The following KCTD8 variants were observed in gnomAD, a reference collection of about 807,000 sequenced individuals.
KCTD8 encodes the protein BTB/POZ domain-containing protein KCTD8.
KCTD8 carries 27 observed loss-of-function variants against 31.5 expected under a neutral mutation model. The observed-to-expected ratio is 0.86, with a 90% CI of 0.63 to 1.18. The LOEUF (loss-of-function observed/expected upper bound fraction) is 1.18. Among genes scored for constraint, KCTD8 ranks in the 50% most tolerant of loss-of-function variants. The probability of loss-of-function intolerance (pLI) is 0.00; values close to 1 mark genes in which losing one functional copy is unlikely to be tolerated. For synonymous variants in KCTD8, 290 were observed against 280.0 expected, an observed-to-expected ratio of 1.04 and a Z score of -0.36; for missense variants, 658 against 647.7, an observed-to-expected ratio of 1.02 and a Z score of -0.17.
chr4:44,338,860 C>T (rs556720964), intron 1 of KCTD8, among the ~76,000 whole-genome samples: 4 of 152,132 alleles, frequency 2.6e-5, no homozygotes, highest in Admixed American at 1.3e-4. Flanking sequence ...AAATAATCTG[C>T]GATTTTAATA....
rs200999276 is a variant in KCTD8, at chr4:44,349,071, G to GCCACCACCA, written c.961+98483_961+98491dup. Among the ~76,000 whole-genome samples, 109 of 136,782 alleles carry GCCACCACCA rather than the reference G, an allele frequency of 8.0e-4. 2 individuals are homozygous for GCCACCACCA. The highest frequency in any genetic ancestry group is 4.7e-3 in the Admixed American group (65 of 13,952). The allele number at this position is 136,782 out of a possible 152,430, so 89.7% of individuals were successfully genotyped here. On this transcript the variant is annotated intron_variant, in intron 1 of 1. Coordinates refer to ENST00000360029, the MANE Select transcript of KCTD8 (RefSeq NM_198353.3). ...TAGTAGCACCACCATCGCTGCCACC[G>GCCACCACCA]CCACCACCACCACCACCACCACCAC...
At chr4:44,278,867 A>G (rs774602742) in intron 1 of KCTD8, among the ~76,000 whole-genome samples, 15 of 152,002 alleles carry the variant, frequency 9.9e-5, no homozygotes, top group African/African-American at 3.1e-4. Flanking sequence ...AACCTTCTGC[A>G]TGCTTTCCCC....
chr4:44,371,814 T>A (rs967009264), intron 1 of KCTD8, among the ~76,000 whole-genome samples: 1 of 152,152 alleles, frequency 6.6e-6, no homozygotes, highest in Non-Finnish European at 1.5e-5. Context: ...TATATCTCAT[T>A]TGTTAGGTAT....
intron 1 of KCTD8, among the ~76,000 whole-genome samples, chr4:44,391,087 A>G (rs1481199560): frequency 6.6e-6 from 1 of 151,986 alleles, no homozygotes; most frequent in African/African-American, 2.4e-5. Context: ...ATGGAAAACC[A>G]AACATTGTAT....
rs1031535228 is a variant in KCTD8, at chr4:44,346,379, G to A, written c.961+101184C>T. 4.6e-5 allele frequency among the ~76,000 whole-genome samples: 7 copies of A among 151,956 alleles called. No individual in the cohort carries two copies. The East Asian group carries it at 1.4e-3, about 29-fold the overall frequency. ...TTATATCCTCACATTCTTATATTCT[G>A]GAGATATTTTAAATTCAACTCCCAT... On this transcript the variant is annotated intron_variant, in intron 1 of 1. Transcript: ENST00000360029.
intron 1 of KCTD8, among the ~76,000 whole-genome samples, chr4:44,311,222 T>C (rs1717941666): frequency 6.6e-6 from 1 of 152,092 alleles, no homozygotes; most frequent in African/African-American, 2.4e-5. Flanking sequence ...TTTATACCCA[T>C]AATTTAAATG....
chr4:44,336,506 C>T (rs1169307966), intron 1 of KCTD8, among the ~76,000 whole-genome samples: 2 of 151,992 alleles, frequency 1.3e-5, no homozygotes, highest in East Asian at 3.9e-4. Context: ...TAACTGAAGG[C>T]ACCTGTATCA....
Position 44,397,874 on chromosome 4 carries a change from T to C in KCTD8, c.961+49689A>G, listed in dbSNP as rs563999767. Reference sequence around the variant, plus strand: ...TAAAATTTATTACAATTATAATACCTAAAAAATTGATTTTTTTGTGGTTAC... The same window carrying C: ...TAAAATTTATTACAATTATAATACCCAAAAAATTGATTTTTTTGTGGTTAC... On this transcript the variant is annotated intron_variant, in intron 1 of 1. Coordinates refer to ENST00000360029, the MANE Select transcript of KCTD8 (RefSeq NM_198353.3). 2.0e-5 allele frequency among the ~76,000 whole-genome samples: 3 copies of C among 152,228 alleles called. No homozygotes were observed. The East Asian group carries it at 5.8e-4, about 29-fold the overall frequency.
intron 1 of KCTD8, among the ~76,000 whole-genome samples, chr4:44,182,550 G>T (rs1004553587): frequency 6.6e-6 from 1 of 152,060 alleles, no homozygotes; most frequent in Non-Finnish European, 1.5e-5. Context: ...GATTAAGGGC[G>T]GTGCAAGATG....
At chr4:44,278,515 C>T (rs935175347) in intron 1 of KCTD8, among the ~76,000 whole-genome samples, 2 of 151,906 alleles carry the variant, frequency 1.3e-5, no homozygotes, top group Non-Finnish European at 2.9e-5. Context: ...AAGGGAGCAG[C>T]ACATTTGTAG....
intron 1 of KCTD8, among the ~76,000 whole-genome samples, chr4:44,227,004 A>C: frequency 6.6e-6 from 1 of 152,042 alleles, no homozygotes; most frequent in African/African-American, 2.4e-5. Context: ...GTTCACTCTG[A>C]TGATAGTTTC....
Position 44,447,849 on chromosome 4 carries a change from G to A in KCTD8, c.675C>T (p.Ala225=), listed in dbSNP as rs1450959212. 16 of 1,584,364 alleles carry A rather than the reference G, an allele frequency of 1.0e-5. No individual in the cohort carries two copies. The highest frequency in any genetic ancestry group is 1.3e-5 in the Non-Finnish European group (15 of 1,163,420). The change falls in exon 1 of 2, where the codon GCC becomes GCT. Residue 225 remains alanine (A), a synonymous_variant. Transcript: ENST00000360029. The part of the protein sequence containing the change: ...GSYTTVRDNQ[A]DAKFRRVARI... ...GCGCCACACGCCGGAATTTGGCGTC[G>A]GCCTGGTTGTCGCGCACGGTGGTGT...
At chr4:44,264,255 T>C (rs982989402) in intron 1 of KCTD8, among the ~76,000 whole-genome samples, 1 of 152,234 alleles carries the variant, frequency 6.6e-6, no homozygotes. Context: ...AGCTATTCTT[T>C]ATAGAATTTT....
chr4:44,353,581 T>C (rs1719269495), intron 1 of KCTD8, among the ~76,000 whole-genome samples: 1 of 152,076 alleles, frequency 6.6e-6, no homozygotes, highest in African/African-American at 2.4e-5. Flanking sequence ...TCTAACTATA[T>C]TTTTGTACCA....
intron 1 of KCTD8, among the ~76,000 whole-genome samples, chr4:44,184,948 C>T (rs1312235382): frequency 6.6e-6 from 1 of 152,056 alleles, no homozygotes; most frequent in Non-Finnish European, 1.5e-5. Flanking sequence ...TGTATTATCA[C>T]TGATTAAACA....
chr4:44,259,167 A>C (rs895322799), intron 1 of KCTD8, among the ~76,000 whole-genome samples: 2 of 151,758 alleles, frequency 1.3e-5, no homozygotes, highest in Admixed American at 1.3e-4. Flanking sequence ...ACTATCTCCA[A>C]GCAGTTTCTT....
At chr4:44,227,521 C>G (rs926975832) in intron 1 of KCTD8, among the ~76,000 whole-genome samples, 1 of 152,148 alleles carries the variant, frequency 6.6e-6, no homozygotes, top group Non-Finnish European at 1.5e-5. Context: ...ACCATTTAAC[C>G]ATTGATTTAA....
intron 1 of KCTD8, among the ~76,000 whole-genome samples, chr4:44,286,828 A>G (rs1479794124): frequency 6.6e-6 from 1 of 152,164 alleles, no homozygotes; most frequent in African/African-American, 2.4e-5. Flanking sequence ...GAGGTATTGC[A>G]ACAGATCAGA....
At chr4:44,210,368 A>G (rs1277470615) in intron 1 of KCTD8, among the ~76,000 whole-genome samples, 1 of 152,218 alleles carries the variant, frequency 6.6e-6, no homozygotes, top group Non-Finnish European at 1.5e-5. Context: ...CAGTCATAGT[A>G]TTTTTGAAAG....
Sources: allele counts gnomAD v4.1 joint callset (sites outside exome capture counted in the v4.1 genomes callset), GRCh38; gene constraint gnomAD v4.1.1; transcripts MANE v1.5; gene names NCBI Gene and HGNC (gene_info 2026-07-23, HGNC 2026-07-21).